The following FBXL13 variants were observed in gnomAD, a reference collection of about 807,000 sequenced individuals.
FBXL13 encodes F-box and leucine rich repeat protein 13.
A neutral mutation model predicts 83.6 loss-of-function variants in FBXL13; 67 were observed. The ratio of observed to expected loss-of-function variants is 0.80; its 90% CI spans 0.66 to 0.98. FBXL13 has a LOEUF of 0.98. Ranked by LOEUF, FBXL13 falls within the 50% of genes least tolerant of loss-of-function variation. FBXL13 has a pLI of 0.00. For missense variants in FBXL13, 822 were observed against 866.5 expected (o/e 0.95, Z 0.64); for synonymous variants, 272 against 299.5 (o/e 0.91, Z 0.95).
chr7:102,920,002 G>A (rs144438877), intron 10 of FBXL13, among the ~76,000 whole-genome samples: 1 of 152,292 alleles, frequency 6.6e-6, no homozygotes, highest in Non-Finnish European at 1.5e-5. Flanking sequence ...AAAGTTAAAT[G>A]ATTAGCAAAA....
intron 8 of FBXL13, among the ~76,000 whole-genome samples, chr7:102,950,247 G>C (rs1262233617): frequency 6.6e-6 from 1 of 152,206 alleles, no homozygotes; most frequent in Non-Finnish European, 1.5e-5. Flanking sequence ...TCAGGGAAAT[G>C]TAAATTAAAA....
chr7:102,847,993 ATATAT>A (rs947351489), intron 17 of FBXL13, among the ~76,000 whole-genome samples: 1 of 152,222 alleles, frequency 6.6e-6, no homozygotes, highest in African/African-American at 2.4e-5. Context: ...AGGTGTATAC[ATATAT>A]TTAATTTACC....
At chr7:103,038,667 AT>A (rs1795334440) in intron 2 of FBXL13, among the ~76,000 whole-genome samples, 7 of 152,212 alleles carry the variant, frequency 4.6e-5, no homozygotes, top group African/African-American at 1.7e-4. Context: ...CTGGTGATAC[AT>A]AGGCAAACAA....
chr7:102,910,057 C>T (rs968664594), intron 11 of FBXL13, among the ~76,000 whole-genome samples: 2 of 152,156 alleles, frequency 1.3e-5, no homozygotes, highest in Non-Finnish European at 2.9e-5. Context: ...TTGTAGAACT[C>T]AAGTTCTGAC....
intron 8 of FBXL13, chr7:102,944,575 A>C (rs1348368594): frequency 6.2e-7 from 1 of 1,610,136 alleles, no homozygotes; most frequent in Non-Finnish European, 8.5e-7. Context: ...CACCGCAAAG[A>C]AGCAAAGCGT....
chr7:102,869,011 A>G (rs1175681321), intron 16 of FBXL13, among the ~76,000 whole-genome samples: 1 of 152,216 alleles, frequency 6.6e-6, no homozygotes, highest in Non-Finnish European at 1.5e-5. Flanking sequence ...TGGGATTGCC[A>G]GAACATATGA....
At chr7:102,859,579 G>A (rs1806515550) in intron 16 of FBXL13, among the ~76,000 whole-genome samples, 2 of 152,066 alleles carry the variant, frequency 1.3e-5, no homozygotes, top group South Asian at 4.1e-4. Context: ...CCCTGGGAGG[G>A]ACAGGAAGAG....
In FBXL13 at chr7:102,976,363, C is replaced by G. The variant is rs138860742; in HGVS notation, c.496-8246G>C. 307 of 595,548 alleles carry G rather than the reference C, an allele frequency of 5.2e-4. 1 individual carries two copies. Among genetic ancestry groups the G allele is most frequent in the Non-Finnish European group, 7.5e-4 (251 of 334,420 alleles). 36.9% of individuals were successfully genotyped at this position (595,548 alleles called of 1,614,324 possible). ...ACAAGCCTCCAAACCCTGAGCCCCCCGCTCCACTTTTCTGCTCCCTGCACA... is the reference window on the plus strand; with the variant it reads ...ACAAGCCTCCAAACCCTGAGCCCCCGGCTCCACTTTTCTGCTCCCTGCACA... On this transcript the variant is annotated intron_variant, in intron 6 of 19. Transcript: ENST00000313221.
At chr7:102,935,498 A>T (rs923484263) in intron 8 of FBXL13, among the ~76,000 whole-genome samples, 2 of 152,138 alleles carry the variant, frequency 1.3e-5, no homozygotes, top group African/African-American at 4.8e-5. Context: ...GAGAACTATG[A>T]GACTAAGGAA....
chr7:102,851,539 C>T (rs1249185132), intron 17 of FBXL13, among the ~76,000 whole-genome samples: 1 of 135,298 alleles, frequency 7.4e-6, no homozygotes, highest in East Asian at 2.7e-4. Flanking sequence ...TCCTCCTCTT[C>T]CTTTTCCTTC....
intron 1 of FBXL13, chr7:103,074,181 C>G: frequency 1.0e-6 from 1 of 959,648 alleles, no homozygotes; most frequent in Non-Finnish European, 1.2e-6. Flanking sequence ...TCAGCTTCCA[C>G]TCTTCCCTCC....
At chr7:102,979,835 A>C (rs574364609) in intron 6 of FBXL13, among the ~76,000 whole-genome samples, 1 of 152,352 alleles carries the variant, frequency 6.6e-6, no homozygotes, top group African/African-American at 2.4e-5. Flanking sequence ...CTGTAAAAAA[A>C]TGTAAAAAGG....
At chr7:103,018,562 C>T (rs917472301) in intron 6 of FBXL13, among the ~76,000 whole-genome samples, 1 of 152,166 alleles carries the variant, frequency 6.6e-6, no homozygotes, top group African/African-American at 2.4e-5. Context: ...CATCAGTGTG[C>T]TGTATTCAGG....
chr7:102,977,556 A>G (rs1827644880), intron 6 of FBXL13, among the ~76,000 whole-genome samples: 1 of 152,210 alleles, frequency 6.6e-6, no homozygotes, highest in African/African-American at 2.4e-5. Context: ...GCTGATAAGG[A>G]CAGTAATCTT....
At chr7:102,961,053 TTGCAGA>T (rs879490393) in intron 8 of FBXL13, among the ~76,000 whole-genome samples, 1,942 of 148,714 alleles carry the variant, frequency 0.013, 18 homozygotes, top group Admixed American at 0.022. Context: ...TTGTCCCTGT[TTGCAGA>T]CGACATGATT....
chr7:102,832,759 G>A, intron 18 of FBXL13, 81 bp downstream of exon 19: 1 of 1,547,954 alleles, frequency 6.5e-7, no homozygotes. Context: ...CATATTCTGA[G>A]TCCAGCCCTG....
At chr7:102,865,998 G>C (rs1807592264) in intron 16 of FBXL13, among the ~76,000 whole-genome samples, 1 of 152,172 alleles carries the variant, frequency 6.6e-6, no homozygotes, top group Admixed American at 6.6e-5. Context: ...TTAATCAATT[G>C]TTAGTATGAA....
chr7:102,914,017 C>T (rs529318473), intron 10 of FBXL13, among the ~76,000 whole-genome samples: 2 of 152,244 alleles, frequency 1.3e-5, no homozygotes, highest in South Asian at 4.1e-4. Flanking sequence ...TACGAGGGCT[C>T]GCAGTTTGAG....
intron 1 of FBXL13, among the ~76,000 whole-genome samples, chr7:103,060,309 C>G (rs1297363117): frequency 6.6e-6 from 1 of 151,856 alleles, no homozygotes; most frequent in Non-Finnish European, 1.5e-5. Flanking sequence ...TTCCTCTCAG[C>G]CTCCCAAAGT....
Sources: allele counts gnomAD v4.1 joint callset (sites outside exome capture counted in the v4.1 genomes callset), GRCh38; gene constraint gnomAD v4.1.1; transcripts MANE v1.5; gene names NCBI Gene and HGNC (gene_info 2026-07-23, HGNC 2026-07-21).